ERBB4: variants seen among roughly 807,000 people sequenced by gnomAD.
The protein encoded by ERBB4 is receptor tyrosine-protein kinase erbB-4.
ERBB4 carries 42 observed loss-of-function variants against 158.0 expected under a neutral mutation model. The observed-to-expected ratio is 0.27, with a 90% CI of 0.21 to 0.34. ERBB4 has a LOEUF of 0.34. Ranked by LOEUF, ERBB4 falls within the 10% of genes least tolerant of loss-of-function variation. The pLI is 1.00. For missense variants in ERBB4, 1,333 were observed against 1,624.1 expected (o/e 0.82, Z 3.08); for synonymous variants, 583 against 558.7 (o/e 1.04, Z -0.61).
At chr2:211,764,634 T>C (rs188390164) in intron 4 of ERBB4, among the ~76,000 whole-genome samples, 1 of 152,336 alleles carries the variant, frequency 6.6e-6, no homozygotes, top group Admixed American at 6.5e-5. Context: ...GCAATAAGCC[T>C]GGGTCTGGAG....
chr2:211,917,823 G>T (rs188410434), intron 3 of ERBB4, among the ~76,000 whole-genome samples: 6 of 152,268 alleles, frequency 3.9e-5, no homozygotes, highest in East Asian at 1.9e-4. Flanking sequence ...TCACTGAAGG[G>T]TTTTGAGGAG....
At chr2:211,815,277 A>T (rs141312410) in intron 3 of ERBB4, among the ~76,000 whole-genome samples, 1 of 152,220 alleles carries the variant, frequency 6.6e-6, no homozygotes, top group South Asian at 2.1e-4. Context: ...TTATAAAAAC[A>T]TAAAGTGTTA....
chr2:212,515,567 C>T (rs1691778136), intron 1 of ERBB4, among the ~76,000 whole-genome samples: 2 of 151,698 alleles, frequency 1.3e-5, no homozygotes, highest in Non-Finnish European at 2.9e-5. Context: ...CTTAAGACTA[C>T]TATATCCAGG....
chr2:211,755,991 T>C (rs1203471937), intron 4 of ERBB4, among the ~76,000 whole-genome samples: 1 of 152,260 alleles, frequency 6.6e-6, no homozygotes, highest in Non-Finnish European at 1.5e-5. Context: ...AAACTACTTT[T>C]ACTAGAGAAA....
intron 1 of ERBB4, among the ~76,000 whole-genome samples, chr2:212,368,502 C>A (rs566399567): frequency 6.6e-6 from 1 of 151,824 alleles, no homozygotes; most frequent in Non-Finnish European, 1.5e-5. Flanking sequence ...ATGGGTGCAA[C>A]GAAATCTCAC....
intron 1 of ERBB4, among the ~76,000 whole-genome samples, chr2:212,390,109 G>A (rs987136183): frequency 5.3e-5 from 8 of 151,830 alleles, no homozygotes; most frequent in Non-Finnish European, 1.2e-4. Context: ...AGGAAAAGCT[G>A]AAATGCAAAA....
intron 1 of ERBB4, among the ~76,000 whole-genome samples, chr2:212,140,206 A>G (rs2080406856): frequency 6.6e-6 from 1 of 151,350 alleles, no homozygotes; most frequent in Non-Finnish European, 1.5e-5. Context: ...ATAACCCTTA[A>G]AACAGTCAAT....
chr2:211,429,606 A>C (rs1252836928), intron 21 of ERBB4, among the ~76,000 whole-genome samples: 2 of 152,176 alleles, frequency 1.3e-5, no homozygotes, highest in Non-Finnish European at 2.9e-5. Flanking sequence ...AAAGATAAAC[A>C]CTTCTACTTT....
intron 1 of ERBB4, among the ~76,000 whole-genome samples, chr2:212,521,591 G>C (rs961622302): frequency 2.6e-5 from 4 of 151,606 alleles, no homozygotes; most frequent in African/African-American, 9.7e-5. Flanking sequence ...TACTACTATA[G>C]CATACAAAAT....
chr2:211,756,437 C>A (rs2106226820), intron 4 of ERBB4, among the ~76,000 whole-genome samples: 1 of 152,186 alleles, frequency 6.6e-6, no homozygotes, highest in East Asian at 1.9e-4. Flanking sequence ...GCATAGTTTG[C>A]ATGAGTAATA....
At chr2:212,010,144 G>A (rs1173643975) in intron 2 of ERBB4, among the ~76,000 whole-genome samples, 4 of 152,120 alleles carry the variant, frequency 2.6e-5, no homozygotes, top group Non-Finnish European at 4.4e-5. Context: ...CTTGTTGCTC[G>A]TGGAGCATCC....
chr2:212,131,735 C>A (rs573100049), intron 1 of ERBB4, among the ~76,000 whole-genome samples: 6 of 152,224 alleles, frequency 3.9e-5, no homozygotes, highest in Non-Finnish European at 8.8e-5. Flanking sequence ...TTAGTATTAC[C>A]ATGCCCAGTG....
chr2:212,410,061 G>A (rs1174435672), intron 1 of ERBB4, among the ~76,000 whole-genome samples: 1 of 151,820 alleles, frequency 6.6e-6, no homozygotes, highest in Non-Finnish European at 1.5e-5. Context: ...AAAAAAAATA[G>A]AAATAACAGT....
chr2:212,289,218 T>C (rs1374541276), intron 1 of ERBB4, among the ~76,000 whole-genome samples: 1 of 152,194 alleles, frequency 6.6e-6, no homozygotes, highest in Non-Finnish European at 1.5e-5. Flanking sequence ...ATGAATATAA[T>C]AACTTTGAAA....
intron 1 of ERBB4, among the ~76,000 whole-genome samples, chr2:212,243,691 G>T (rs2084201910): frequency 6.6e-6 from 1 of 151,814 alleles, no homozygotes; most frequent in African/African-American, 2.4e-5. Flanking sequence ...CAGTTCTGGG[G>T]GTCATATCCC....
intron 3 of ERBB4, among the ~76,000 whole-genome samples, chr2:211,944,209 T>TATATATATATGTATATATATATAC (rs2080611205): frequency 1.3e-4 from 2 of 14,940 alleles, no homozygotes; most frequent in African/African-American, 4.3e-4. Flanking sequence ...ACTATATATA[T>TATATATATATGTATATATATATAC]ATATACACAC....
At chr2:212,065,891 T>A (rs1245445577) in intron 2 of ERBB4, among the ~76,000 whole-genome samples, 1 of 152,018 alleles carries the variant, frequency 6.6e-6, no homozygotes, top group African/African-American at 2.4e-5. Context: ...GAAGCGATGG[T>A]GAAGGTGCCT....
intron 20 of ERBB4, among the ~76,000 whole-genome samples, chr2:211,435,309 C>A (rs2063825689): frequency 6.6e-6 from 1 of 152,178 alleles, no homozygotes; most frequent in South Asian, 2.1e-4. Flanking sequence ...CTGACAGCAA[C>A]CACAGTTGAC....
intron 25 of ERBB4, among the ~76,000 whole-genome samples, chr2:211,398,559 A>T (rs2062968697): frequency 6.6e-6 from 1 of 151,902 alleles, no homozygotes; most frequent in Admixed American, 6.6e-5. Context: ...AAATTGCAAG[A>T]CCTCTAGGCA....
Sources: gnomAD v4.1 joint callset for allele counts (sites outside exome capture counted in the v4.1 genomes callset) on GRCh38, gnomAD v4.1.1 for gene constraint, MANE v1.5 for transcripts, NCBI Gene and HGNC (gene_info 2026-07-23, HGNC 2026-07-21) for gene names.